The following FLT3 variants were observed in gnomAD, a reference collection of about 807,000 sequenced individuals.
The protein encoded by FLT3 is receptor-type tyrosine-protein kinase FLT3.
FLT3 carries 46 observed loss-of-function variants against 126.6 expected under a neutral mutation model. The observed-to-expected ratio is 0.36, with a 90% CI of 0.29 to 0.46. FLT3 has a LOEUF of 0.46. Among genes scored for constraint, FLT3 ranks in the 20% least tolerant of loss-of-function variants. FLT3 has a pLI of 1.00. For missense variants in FLT3, 1,069 were observed against 1,190.3 expected, an observed-to-expected ratio of 0.90 and a Z score of 1.50; for synonymous variants, 404 against 434.4, an observed-to-expected ratio of 0.93 and a Z score of 0.87.
chr13:28,014,894 T>C (rs1871703045), intron 22 of FLT3, among the ~76,000 whole-genome samples: 1 of 152,168 alleles, frequency 6.6e-6, no homozygotes, highest in Non-Finnish European at 1.5e-5. Flanking sequence ...TTTTCTTTTC[T>C]TTTTAAAATG....
At chr13:28,072,558 A>G (rs1202013243) in intron 1 of FLT3, among the ~76,000 whole-genome samples, 7 of 151,998 alleles carry the variant, frequency 4.6e-5, no homozygotes, top group Non-Finnish European at 1.0e-4. Context: ...CATCATGCCC[A>G]GCTAATTTTC....
chr13:28,017,650 GT>G (rs796846844), intron 20 of FLT3, among the ~76,000 whole-genome samples: 2 of 144,658 alleles, frequency 1.4e-5, no homozygotes, highest in South Asian at 2.2e-4. Flanking sequence ...AATTCACACT[GT>G]TTTTTTTGTT....
chr13:28,037,110 A>G lies in FLT3; in HGVS notation c.1309+75T>C, dbSNP rs1873905989. The G allele has an allele frequency of 6.8e-6, 6 of 882,576 alleles. No individual in the cohort carries two copies. The Admixed American group carries it at 1.1e-4, about 17-fold the overall frequency. The allele number at this position is 882,576 out of a possible 1,614,324, so 54.7% of individuals were successfully genotyped here. On this transcript the variant is annotated intron_variant, in intron 10 of 23. Transcript: ENST00000241453. ...AGTAGCCCTTCTAAGCCATTACTTA[A>G]CTTTTCCTAGTTAAGACTAATAAAA... is the stretch of plus-strand genomic sequence containing the variant.
chr13:28,023,319 T>G, intron 19 of FLT3, 31 bp downstream of exon 19: 1 of 1,585,462 alleles, frequency 6.3e-7, no homozygotes, highest in Non-Finnish European at 8.6e-7. Context: ...AATCTTTTTT[T>G]TGGTTTGTTT....
chr13:28,015,376 C>T, intron 21 of FLT3, 120 bp from the exon 22 acceptor site: 1 of 789,952 alleles, frequency 1.3e-6, no homozygotes, highest in South Asian at 1.5e-5. Flanking sequence ...GGCACACGGG[C>T]TGCGGCTGGG....
chr13:28,028,379 T>C (rs1873004025), intron 15 of FLT3, 91 bp from the exon 16 acceptor site: 1 of 689,260 alleles, frequency 1.5e-6, no homozygotes, highest in Admixed American at 2.3e-5. Flanking sequence ...TCAGAGTCAA[T>C]CTGCATTATT....
intron 18 of FLT3, among the ~76,000 whole-genome samples, 191 bp downstream of exon 18, chr13:28,024,670 A>C (rs1872657570): frequency 6.6e-6 from 1 of 152,246 alleles, no homozygotes; most frequent in Admixed American, 6.5e-5. Context: ...GACCAAATAA[A>C]ATAGTCCTCA....
chr13:28,052,711 A>G, intron 4 of FLT3, 37 bp from the exon 5 acceptor site: 2 of 1,448,762 alleles, frequency 1.4e-6, no homozygotes, highest in African/African-American at 2.8e-5. Flanking sequence ...TTACTATTTT[A>G]AAAATAATTC....
chr13:28,008,710 C>G (rs1226806737), intron 23 of FLT3, among the ~76,000 whole-genome samples: 1 of 151,944 alleles, frequency 6.6e-6, no homozygotes, highest in African/African-American at 2.4e-5. Context: ...AACTCCTGAC[C>G]TCAGGTGATC....
intron 23 of FLT3, among the ~76,000 whole-genome samples, chr13:28,011,405 A>T (rs1425793844): frequency 6.6e-6 from 1 of 151,896 alleles, no homozygotes; most frequent in African/African-American, 2.4e-5. Context: ...AACAGGGAAG[A>T]TCACCCTGGG....
intron 15 of FLT3, among the ~76,000 whole-genome samples, chr13:28,031,369 C>T (rs1254738461): frequency 6.6e-6 from 1 of 152,058 alleles, no homozygotes; most frequent in African/African-American, 2.4e-5. Context: ...TGGGAGCTGG[C>T]CAGGTGACTC....
chr13:28,019,772 C>T (rs1262706650), intron 19 of FLT3, among the ~76,000 whole-genome samples: 1 of 152,148 alleles, frequency 6.6e-6, no homozygotes, highest in Non-Finnish European at 1.5e-5. Context: ...GTTGGCCAGC[C>T]CCTCCCGCTT....
intron 23 of FLT3, among the ~76,000 whole-genome samples, chr13:28,010,329 C>T (rs1037290056): frequency 6.6e-6 from 1 of 152,196 alleles, no homozygotes; most frequent in South Asian, 2.1e-4. Flanking sequence ...AGTCTAGTGA[C>T]GACAGAGAGA....
At chr13:28,041,665 A>T (rs936950916) in intron 9 of FLT3, among the ~76,000 whole-genome samples, 1 of 152,222 alleles carries the variant, frequency 6.6e-6, no homozygotes, top group African/African-American at 2.4e-5. Context: ...CTGCAATGAC[A>T]ACCGTGTCCT....
At position 28,100,297 on chromosome 13, in the gene FLT3, T is replaced by G. The variant is rs1270130099; in HGVS notation, c.43+171A>C. ...AAACGCCGGGGCCGCAGGCAAGTAG[T>G]GGGCGAGTCCGGAGGGCGCGAAAGA... On this transcript the variant is annotated intron_variant, in intron 1 of 23. Transcript: ENST00000241453. This position sits in a 1 kb window ranked among gnomAD's most constrained non-coding sequence, Gnocchi z 4.8. Among the ~76,000 whole-genome samples the G allele has an allele frequency of 6.6e-6, 1 of 151,402 alleles. No individual in the cohort carries two copies. Among genetic ancestry groups the G allele is most frequent in the Non-Finnish European group, 1.5e-5 (1 of 67,840 alleles).
At position 28,073,352 on chromosome 13, in the gene FLT3, G is replaced by GAA. The variant is rs35318238; in HGVS notation, c.44-2742_44-2741dup. Reference sequence around the variant, plus strand: ...GTGACACAGTGAGACCTCATCTCTGGAAAAAAAAAAAAAAAAAGCATTTTT... The same window carrying GAA: ...GTGACACAGTGAGACCTCATCTCTGGAAAAAAAAAAAAAAAAAAAGCATTTTT... On this transcript the variant is annotated intron_variant, in intron 1 of 23. Coordinates refer to ENST00000241453, the MANE Select transcript of FLT3 (RefSeq NM_004119.3). The GAA allele has an allele frequency of 6.7e-4, 200 of 298,794 alleles. 1 individual carries two copies. Among genetic ancestry groups the GAA allele is most frequent in the African/African-American group, 3.0e-3 (114 of 37,470 alleles). 18.5% of individuals were successfully genotyped at this position (298,794 alleles called of 1,614,324 possible). A position where few individuals can be genotyped will look rare whatever the true frequency, so the allele number is the denominator to read the frequency against.
chr13:28,018,467 A>G lies in FLT3; in HGVS notation c.2541T>C (p.Asn847=), dbSNP rs757492638. 2 of 1,614,068 alleles carry G rather than the reference A, an allele frequency of 1.2e-6. No individual in the cohort carries two copies. The highest frequency in any genetic ancestry group is 8.5e-7 in the Non-Finnish European group (1 of 1,179,922). Residue 847 remains asparagine (N), a splice_region_variant and synonymous_variant, in exon 20 of 24, where the codon AAT becomes AAC. Transcript: ENST00000241453. ...AATAAGTAGGAAATAGCAGCCTCAC[A>G]TTGCCCCTGACAACATAGTTGGAAT... ...MSDSNYVVRG[N]ARLPVKWMAP...
intron 1 of FLT3, among the ~76,000 whole-genome samples, chr13:28,081,748 C>A (rs1026981903): frequency 6.6e-6 from 1 of 151,638 alleles, no homozygotes; most frequent in East Asian, 1.9e-4. Context: ...TTCATAGATA[C>A]CCTTAATTAG....
intron 9 of FLT3, among the ~76,000 whole-genome samples, chr13:28,047,731 A>G (rs966944140): frequency 6.6e-6 from 1 of 151,478 alleles, no homozygotes; most frequent in South Asian, 2.1e-4. Context: ...AAAAAAAAGA[A>G]AAAGAAAAAG....
Sources: gnomAD v4.1 joint callset for allele counts (sites outside exome capture counted in the v4.1 genomes callset) on GRCh38, gnomAD v4.1.1 for gene constraint, Gnocchi (gnomAD v3.1) non-coding constraint, MANE v1.5 for transcripts, NCBI Gene and HGNC (gene_info 2026-07-23, HGNC 2026-07-21) for gene names.